Variants in KLF11 observed in about 807,000 individuals in gnomAD.
KLF11 encodes KLF transcription factor 11, also known as Krueppel-like factor 11.
KLF11 carries 26 observed loss-of-function variants against 29.9 expected under a neutral mutation model. That is an observed-to-expected ratio of 0.87 (90% CI 0.64 to 1.21). The LOEUF (loss-of-function observed/expected upper bound fraction) is 1.21, where lower values mean the gene tolerates loss of function less well. Among genes scored for constraint, KLF11 ranks in the 50% most tolerant of loss-of-function variants. The pLI, the probability that KLF11 is intolerant of heterozygous loss-of-function variation, is 0.00. For missense variants in KLF11, 778 were observed against 665.7 expected, an observed-to-expected ratio of 1.17 and a Z score of -1.86; for synonymous variants, 318 against 257.4, an observed-to-expected ratio of 1.24 and a Z score of -2.25.
intron 3 of KLF11, among the ~76,000 whole-genome samples, chr2:10,048,973 C>G (rs960794798): frequency 3.4e-5 from 5 of 147,988 alleles, no homozygotes; most frequent in Non-Finnish European, 5.9e-5. Context: ...ATGTATCTTA[C>G]CAGTGTGACT....
chr2:10,049,799 A>G (rs960372750), intron 3 of KLF11, among the ~76,000 whole-genome samples: 5 of 152,176 alleles, frequency 3.3e-5, no homozygotes, highest in African/African-American at 1.2e-4. Context: ...GTGCTTGATA[A>G]AAGGGCCTGA....
chr2:10,046,113 C>T, intron 1 of KLF11, 37 bp from the exon 2 acceptor site: 1 of 1,612,424 alleles, frequency 6.2e-7, no homozygotes, highest in Non-Finnish European at 8.5e-7. Context: ...CTGTATTTCC[C>T]CTGCACTGAG....
Position 10,047,636 on chromosome 2 carries a change from A to C in KLF11, c.313-14A>C, listed in dbSNP as rs763888278. 1 of 1,559,950 alleles carries C rather than the reference A, an allele frequency of 6.4e-7. No individual in the cohort carries two copies. The highest frequency in any genetic ancestry group is 1.1e-5 in the South Asian group (1 of 90,084). On this transcript the variant is annotated splice_polypyrimidine_tract_variant and intron_variant, in intron 2 of 3. Transcript: ENST00000305883. ...ATTTAAAGCAACCTTTTAACATGGT[A>C]CTTTTTTTTTTAGTGCATAACTCCT...
Position 10,052,400 on chromosome 2 carries a change from A to G in KLF11, c.1432A>G (p.Thr478Ala), listed in dbSNP as rs770940689. ...HLTKHARRHM[T>A]TKKIPGWQAE... ...GACGAAGCATGCCCGGCGCCACATG[A>G]CGACCAAGAAGATCCCAGGCTGGCA... is the stretch of plus-strand genomic sequence containing the variant. Residue 478 changes from threonine to alanine, a missense_variant, in exon 4 of 4, where the codon ACG (threonine) becomes GCG (alanine). Coordinates refer to ENST00000305883, the MANE Select transcript of KLF11 (RefSeq NM_003597.5). The G allele has an allele frequency of 3.7e-5, 60 of 1,614,102 alleles. No homozygotes were observed. In the South Asian group the frequency reaches 6.3e-4, roughly 17 times the overall value.
rs116412095 is a variant in KLF11 at position 10,044,281 on chromosome 2, C to G, written c.42+523C>G. The G allele has an allele frequency of 1.3e-3, 1,325 of 984,946 alleles. 15 individuals carry two copies. The African/African-American group carries it at 0.021, about 16-fold the overall frequency. The allele number at this position is 984,946 out of a possible 1,614,324, so 61.0% of individuals were successfully genotyped here. A position where few individuals can be genotyped will look rare whatever the true frequency, so the allele number is the denominator to read the frequency against. ...AACGACGGGAGGCGGGAGCGCCGCA[C>G]TGCCTTGGAGGCGGGGCAACGCTTG... On this transcript the variant is annotated intron_variant, in intron 1 of 3. Coordinates refer to ENST00000305883, the MANE Select transcript of KLF11 (RefSeq NM_003597.5).
At position 10,052,441 on chromosome 2, in the gene KLF11, G is replaced by A. The variant is rs748565802; in HGVS notation, c.1473G>A (p.Lys491=). The part of the protein sequence containing the change: ...KIPGWQAEVG[K]LNRIASAESP... ...CAGGCTGGCAGGCAGAGGTTGGCAA[G>A]CTGAACAGAATCGCCTCTGCAGAGA... Residue 491 remains lysine (K), a synonymous_variant, in exon 4 of 4, where the codon AAG becomes AAA. Transcript: ENST00000305883. 1.4e-5 allele frequency: 23 copies of A among 1,614,024 alleles called. No homozygotes were observed. In the South Asian group the frequency reaches 2.5e-4, roughly 18 times the overall value.
chr2:10,044,060 C>T (rs1279427867), intron 1 of KLF11: 21 of 699,552 alleles, frequency 3.0e-5, no homozygotes, highest in Non-Finnish European at 3.5e-5. Context: ...TCACCCCGGT[C>T]CTGTGAGCCG....
rs1661064709 is a variant in KLF11, at chr2:10,043,698, C to G, written c.-19C>G. On this transcript the variant is annotated 5_prime_UTR_variant, in exon 1 of 4. Coordinates refer to ENST00000305883, the MANE Select transcript of KLF11 (RefSeq NM_003597.5). ...CTCACGCCCCGCGGCCGCTTTGTTG[C>G]TCCCGGCCGGCCTGCACGATGCACA... 7.6e-7 allele frequency: 1 copy of G among 1,320,552 alleles called. No individual in the cohort carries two copies. Among genetic ancestry groups the G allele is most frequent in the Non-Finnish European group, 9.8e-7 (1 of 1,017,666 alleles). The allele number at this position is 1,320,552 out of a possible 1,614,324, so 81.8% of individuals were successfully genotyped here. A position where few individuals can be genotyped will look rare whatever the true frequency, so the allele number is the denominator to read the frequency against.
At position 10,052,453 on chromosome 2, in the gene KLF11, C is replaced by T. The variant is rs749488307; in HGVS notation, c.1485C>T (p.Ile495=). 1.4e-5 allele frequency: 22 copies of T among 1,613,968 alleles called. No homozygotes were observed. The Admixed American group carries it at 3.2e-4, about 23-fold the overall frequency. The change falls in exon 4 of 4, where the codon ATC becomes ATT. Residue 495 remains isoleucine (I), a synonymous_variant. Transcript: ENST00000305883. ...CAGAGGTTGGCAAGCTGAACAGAAT[C>T]GCCTCTGCAGAGAGCCCGGGGAGCC... ...WQAEVGKLNR[I]ASAESPGSPL...
chr2:10,052,365 G>C lies in KLF11; in HGVS notation c.1397G>C (p.Ser466Thr). ...GTGTGTGACCGACGTTTCATGCGCA[G>C]TGACCACCTGACGAAGCATGCCCGG... Reference protein sequence around the residue: ...CPVCDRRFMRSDHLTKHARRH... With the variant: ...CPVCDRRFMRTDHLTKHARRH... Residue 466 changes from serine (S) to threonine (T), a missense_variant, in exon 4 of 4, where the codon AGT (serine) becomes ACT (threonine). Ser to Thr is a moderately conservative substitution (Grantham distance 58). Coordinates refer to ENST00000305883, the MANE Select transcript of KLF11 (RefSeq NM_003597.5). 2 of 1,614,130 alleles carry C rather than the reference G, an allele frequency of 1.2e-6. No individual in the cohort carries two copies. The highest frequency in any genetic ancestry group is 1.7e-6 in the Non-Finnish European group (2 of 1,180,024).
intron 1 of KLF11, among the ~76,000 whole-genome samples, chr2:10,044,650 T>C (rs59697001): frequency 0.17 from 3,098 of 17,958 alleles, 113 homozygotes; most frequent in African/African-American, 0.31. Flanking sequence ...TTTCCTTTCC[T>C]TTTTTTTTTT....
chr2:10,046,320 C>T lies in KLF11; in HGVS notation c.213C>T (p.Pro71=), dbSNP rs775548560. Residue 71 remains proline, a synonymous_variant, in exon 2 of 4, where the codon CCC becomes CCT. Coordinates refer to ENST00000305883, the MANE Select transcript of KLF11 (RefSeq NM_003597.5). ...SQKGDLLRIR[P]LTPVSDSGDV... ...AAGGTGACCTGTTGCGGATAAGACC[C>T]CTCACGCCTGTCTCTGACTCTGGGG... is the stretch of plus-strand genomic sequence containing the variant. 51 of 1,614,060 alleles carry T rather than the reference C, an allele frequency of 3.2e-5. No individual in the cohort carries two copies. In the Middle Eastern group the frequency reaches 6.6e-4, roughly 21 times the overall value.
intron 3 of KLF11, among the ~76,000 whole-genome samples, chr2:10,050,407 CAAAAA>C (rs34801840): frequency 8.6e-6 from 1 of 115,898 alleles, no homozygotes; most frequent in African/African-American, 3.3e-5. Context: ...ACTCTTATCT[CAAAAA>C]AAAAAAAAAA....
intron 1 of KLF11, chr2:10,044,446 C>T (rs1043697947): frequency 3.8e-5 from 37 of 985,442 alleles, no homozygotes; most frequent in Non-Finnish European, 4.2e-5. Context: ...CCTTCCCGCC[C>T]GTGTGGTGAG....
At chr2:10,049,670 A>G (rs1019934704) in intron 3 of KLF11, among the ~76,000 whole-genome samples, 1 of 152,034 alleles carries the variant, frequency 6.6e-6, no homozygotes, top group Non-Finnish European at 1.5e-5. Context: ...CCTTCCTAGG[A>G]TTAGTTATTA....
Position 10,043,564 on chromosome 2 carries a change from G to C in KLF11, c.-153G>C. 2.8e-6 allele frequency: 1 copy of C among 354,998 alleles called. No individual in the cohort carries two copies. Among genetic ancestry groups the C allele is most frequent in the South Asian group, 1.1e-4 (1 of 9,164 alleles). The allele number at this position is 354,998 out of a possible 1,614,324, so 22.0% of individuals were successfully genotyped here. A position where few individuals can be genotyped will look rare whatever the true frequency, so the allele number is the denominator to read the frequency against. Reference sequence around the variant, plus strand: ...GCCCCTCCCGCGCCGCGAGGGCCGCGCCGGGGCAGAGCCGCGCGGGCGGGC... The same window carrying C: ...GCCCCTCCCGCGCCGCGAGGGCCGCCCCGGGGCAGAGCCGCGCGGGCGGGC... On this transcript the variant is annotated 5_prime_UTR_variant, in exon 1 of 4. Transcript: ENST00000305883.
intron 1 of KLF11, 187 bp downstream of exon 1, chr2:10,043,945 C>G: frequency 1.0e-6 from 1 of 983,020 alleles, no homozygotes; most frequent in Non-Finnish European, 1.2e-6. Flanking sequence ...CGGGCGCGCC[C>G]GGGTCGGCGG....
chr2:10,047,545 C>CT, intron 2 of KLF11, 105 bp from the exon 3 acceptor site: 1 of 996,188 alleles, frequency 1.0e-6, no homozygotes, highest in Non-Finnish European at 1.5e-6. Context: ...ACAGGGTTAA[C>CT]TGAGTGTCTA....
chr2:10,047,357 G>C (rs918989210), intron 2 of KLF11, among the ~76,000 whole-genome samples: 1 of 152,214 alleles, frequency 6.6e-6, no homozygotes, highest in Non-Finnish European at 1.5e-5. Flanking sequence ...GAGAGGGATA[G>C]GAAGGGCCTG....
Sources: gnomAD v4.1 joint callset for allele counts (sites outside exome capture counted in the v4.1 genomes callset) on GRCh38, gnomAD v4.1.1 for gene constraint, MANE v1.5 for transcripts, NCBI Gene and HGNC (gene_info 2026-07-23, HGNC 2026-07-21) for gene names.